Variants in TENM2 observed in about 807,000 individuals in gnomAD.
TENM2 encodes the protein teneurin-2.
In TENM2, 52 loss-of-function variants were observed where a neutral mutation model predicts 245.2. The ratio of observed to expected loss-of-function variants is 0.21; its 90% CI spans 0.17 to 0.27. TENM2 has a LOEUF of 0.27. Ranked by LOEUF, TENM2 falls within the 10% of genes least tolerant of loss-of-function variation. The pLI is 1.00. For missense variants in TENM2, 3,046 were observed against 3,666.8 expected (o/e 0.83, Z 4.37); for synonymous variants, 1,363 against 1,438.9 (o/e 0.95, Z 1.19).
chr5:167,686,946 C>T (rs1757113117), intron 2 of TENM2, among the ~76,000 whole-genome samples: 1 of 152,130 alleles, frequency 6.6e-6, no homozygotes, highest in African/African-American at 2.4e-5. Context: ...GGAGGAGCAT[C>T]GTCCAAAACA....
chr5:168,212,579 T>C (rs1364258037), intron 20 of TENM2, among the ~76,000 whole-genome samples: 1 of 152,212 alleles, frequency 6.6e-6, no homozygotes, highest in East Asian at 1.9e-4. Context: ...CTTCATGATA[T>C]TAGGTCAAAA....
chr5:167,422,109 T>C (rs1168117330), intron 2 of TENM2, among the ~76,000 whole-genome samples: 1 of 152,148 alleles, frequency 6.6e-6, no homozygotes. Flanking sequence ...CTTAAGAATG[T>C]TTTGTCTACC....
intron 3 of TENM2, among the ~76,000 whole-genome samples, chr5:167,882,189 G>T (rs1773932971): frequency 6.6e-6 from 1 of 152,150 alleles, no homozygotes; most frequent in Admixed American, 6.6e-5. Context: ...ATTTTTTAAA[G>T]ATTTCTTAAA....
the TENM2 span, among the ~76,000 whole-genome samples, chr5:167,183,567 G>C: frequency 1.5e-3 from 230 of 152,214 alleles, no homozygotes; most frequent in Non-Finnish European, 2.4e-3. Context: ...TCATGTTTAG[G>C]TTTCTTGTTG....
At chr5:167,046,731 A>G in the TENM2 span, among the ~76,000 whole-genome samples, 1 of 87,152 alleles carries the variant, frequency 1.1e-5, no homozygotes, top group African/African-American at 1.1e-4. Flanking sequence ...ATACATGTGG[A>G]GAACATCCAG....
chr5:167,513,903 G>T (rs914970491), intron 2 of TENM2, among the ~76,000 whole-genome samples: 7 of 152,238 alleles, frequency 4.6e-5, no homozygotes, highest in Admixed American at 4.6e-4. Context: ...TCTCACCGTG[G>T]TCAGATCAAT....
intron 2 of TENM2, among the ~76,000 whole-genome samples, chr5:167,653,077 T>C (rs1754586507): frequency 2.6e-5 from 4 of 152,102 alleles, no homozygotes; most frequent in Admixed American, 2.6e-4. Context: ...ACCAACAGTA[T>C]ACAACATCCT....
At chr5:167,504,868 C>T (rs529428431) in intron 2 of TENM2, among the ~76,000 whole-genome samples, 1 of 152,184 alleles carries the variant, frequency 6.6e-6, no homozygotes, top group South Asian at 2.1e-4. Context: ...CCTTTCTCTT[C>T]TCTTCTTTCT....
At chr5:167,521,241 G>A (rs1293889415) in intron 2 of TENM2, among the ~76,000 whole-genome samples, 1 of 152,008 alleles carries the variant, frequency 6.6e-6, no homozygotes, top group Non-Finnish European at 1.5e-5. Context: ...AGATTAAGTG[G>A]ATTATCTGAG....
At chr5:168,208,944 A>T (rs1415906679) in intron 19 of TENM2, among the ~76,000 whole-genome samples, 1 of 152,206 alleles carries the variant, frequency 6.6e-6, no homozygotes, top group Non-Finnish European at 1.5e-5. Flanking sequence ...CACAAAATCC[A>T]CACAAATAAC....
rs373679899 is a variant in TENM2 at position 167,298,406 on chromosome 5, A to C, written c.226+13343A>C. ...ATCACGAGGTCAGGAGATTGAGACC[A>C]TCCTGGCTAACACGGTGAAACCCCT... On this transcript the variant is annotated intron_variant, in intron 1 of 28. Transcript: ENST00000518659. Among the ~76,000 whole-genome samples the C allele has an allele frequency of 3.3e-4, 50 of 152,326 alleles. 1 individual carries two copies. The South Asian group carries it at 0.01, about 31-fold the overall frequency.
At chr5:168,166,287 G>C (rs1581511976) in intron 13 of TENM2, among the ~76,000 whole-genome samples, 1 of 152,058 alleles carries the variant, frequency 6.6e-6, no homozygotes, top group East Asian at 1.9e-4. Flanking sequence ...CAAAATAATA[G>C]AGCTATCTAC....
chr5:167,559,659 C>T (rs1488293383), intron 2 of TENM2, among the ~76,000 whole-genome samples: 1 of 152,100 alleles, frequency 6.6e-6, no homozygotes, highest in African/African-American at 2.4e-5. Context: ...GCTCCACAGC[C>T]ATTCATATCT....
the TENM2 span, among the ~76,000 whole-genome samples, chr5:167,192,241 G>A: frequency 1.3e-5 from 2 of 152,110 alleles, no homozygotes; most frequent in East Asian, 1.9e-4. Flanking sequence ...GCAACTACCA[G>A]TGGATTCGTG....
chr5:168,135,185 C>A (rs989757883), intron 12 of TENM2, among the ~76,000 whole-genome samples: 4 of 152,196 alleles, frequency 2.6e-5, no homozygotes, highest in Non-Finnish European at 5.9e-5. Flanking sequence ...ATTCCTCCCA[C>A]GCTGCAATTT....
intron 2 of TENM2, among the ~76,000 whole-genome samples, chr5:167,524,739 T>C (rs1460717717): frequency 2.0e-5 from 3 of 151,886 alleles, no homozygotes; most frequent in African/African-American, 7.2e-5. Context: ...TCAAAGTCAC[T>C]GATGGTGGGA....
At chr5:168,148,156 T>C (rs1464553025) in intron 12 of TENM2, among the ~76,000 whole-genome samples, 2 of 152,226 alleles carry the variant, frequency 1.3e-5, no homozygotes, top group Non-Finnish European at 2.9e-5. Flanking sequence ...TCCCATTCAC[T>C]GTTCAATTAT....
the TENM2 span, among the ~76,000 whole-genome samples, chr5:167,066,386 T>A: frequency 6.6e-6 from 1 of 151,942 alleles, no homozygotes; most frequent in Non-Finnish European, 1.5e-5. Context: ...ATGATGAGAA[T>A]TTTTTTTATT....
chr5:167,928,543 G>T (rs1198306254), intron 3 of TENM2, among the ~76,000 whole-genome samples: 1 of 152,102 alleles, frequency 6.6e-6, no homozygotes, highest in African/African-American at 2.4e-5. Context: ...ATTACTGAAG[G>T]AGGGCGATAT....
Sources: allele counts gnomAD v4.1 joint callset (sites outside exome capture counted in the v4.1 genomes callset), GRCh38; gene constraint gnomAD v4.1.1; transcripts MANE v1.5; gene names NCBI Gene and HGNC (gene_info 2026-07-23, HGNC 2026-07-21).